Variants in LAMC1 observed in about 807,000 individuals in gnomAD.
LAMC1 encodes laminin subunit gamma-1.
A neutral mutation model predicts 173.6 loss-of-function variants in LAMC1; 38 were observed. That is an observed-to-expected ratio of 0.22 (90% CI 0.17 to 0.29). LAMC1 has a LOEUF of 0.29. Ranked by LOEUF, LAMC1 falls within the 10% of genes least tolerant of loss-of-function variation. LAMC1 has a pLI of 1.00. For missense variants in LAMC1, 1,824 were observed against 2,051.8 expected, an observed-to-expected ratio of 0.89 and a Z score of 2.14; for synonymous variants, 746 against 749.1, an observed-to-expected ratio of 1.00 and a Z score of 0.07.
rs778482490 is a variant in LAMC1, at chr1:183,110,609, C to T, written c.976C>T (p.Arg326Trp). ...AAAGTGTCTTCCTTTCTTCAATGAC[C>T]GGCCGTGGAGGAGGGCAACTGCGGA... is the stretch of plus-strand genomic sequence containing the variant. ...CEKCLPFFND[R>W]PWRRATAESA... Residue 326 changes from arginine to tryptophan, a missense_variant, in exon 4 of 28, where the codon CGG (arginine) becomes TGG (tryptophan). Arg to Trp is a moderately radical substitution (Grantham distance 101, BLOSUM62 -3). Transcript: ENST00000258341. 4.3e-6 allele frequency: 7 copies of T among 1,613,836 alleles called. No homozygotes were observed. The East Asian group carries it at 6.7e-5, about 15-fold the overall frequency.
chr1:183,125,339 T>G (rs1367181936), intron 14 of LAMC1, 58 bp from the exon 15 acceptor site: 40 of 1,573,618 alleles, frequency 2.5e-5, no homozygotes, highest in Non-Finnish European at 3.3e-5. Flanking sequence ...GTTGTTTATA[T>G]TTTAGTATTT....
chr1:183,064,225 C>A (rs1558036694), intron 1 of LAMC1, among the ~76,000 whole-genome samples: 1 of 152,068 alleles, frequency 6.6e-6, no homozygotes, highest in Non-Finnish European at 1.5e-5. Context: ...CAATGGAGTA[C>A]GTTCTGAGAA....
chr1:183,128,329 C>T (rs571503558), intron 17 of LAMC1, among the ~76,000 whole-genome samples: 19 of 152,150 alleles, frequency 1.2e-4, no homozygotes, highest in South Asian at 1.2e-3. Context: ...AAACTAGCCA[C>T]GTCTTCTCTT....
At chr1:183,096,480 T>C (rs1655696475) in intron 1 of LAMC1, 1 of 152,230 alleles carries the variant, frequency 6.6e-6, no homozygotes, top group Non-Finnish European at 1.5e-5. Flanking sequence ...CCATATTCCA[T>C]CTCTGTTCAT....
intron 3 of LAMC1, among the ~76,000 whole-genome samples, chr1:183,110,050 A>G (rs990812037): frequency 6.6e-5 from 10 of 152,194 alleles, no homozygotes; most frequent in East Asian, 5.8e-4. Flanking sequence ...GATCTTCCCA[A>G]TAACCTTATG....
At chr1:183,078,785 C>T (rs929800463) in intron 1 of LAMC1, among the ~76,000 whole-genome samples, 5 of 151,934 alleles carry the variant, frequency 3.3e-5, no homozygotes, top group South Asian at 2.1e-4. Flanking sequence ...CCGAGGCAGG[C>T]GGATCACCTG....
intron 1 of LAMC1, among the ~76,000 whole-genome samples, chr1:183,067,388 A>T (rs1355762830): frequency 6.6e-6 from 1 of 152,162 alleles, no homozygotes; most frequent in Non-Finnish European, 1.5e-5. Flanking sequence ...ACACAACTGC[A>T]AATTGTATTT....
intron 3 of LAMC1, among the ~76,000 whole-genome samples, chr1:183,108,722 T>G (rs1246129228): frequency 6.6e-6 from 1 of 152,198 alleles, no homozygotes; most frequent in Non-Finnish European, 1.5e-5. Context: ...TGAGGAAGGG[T>G]AAGACTCACC....
In LAMC1 at chr1:183,077,783, T is replaced by TATAC. The variant is rs1307384029; in HGVS notation, c.419-25542_419-25541insCATA. Reference sequence around the variant, plus strand: ...TATTTTTATGGCCATTGTGTATATATATATATATATATACAGTAGCACAGT... The same window carrying TATAC: ...TATTTTTATGGCCATTGTGTATATATATACATATATATATATACAGTAGCACAGT... On this transcript the variant is annotated intron_variant, in intron 1 of 27. Coordinates refer to ENST00000258341, the MANE Select transcript of LAMC1 (RefSeq NM_002293.4). 3.4e-5 allele frequency among the ~76,000 whole-genome samples: 5 copies of TATAC among 146,310 alleles called. 1 individual carries two copies. Among genetic ancestry groups the TATAC allele is most frequent in the Non-Finnish European group, 7.6e-5 (5 of 66,078 alleles).
At chr1:183,102,034 C>T (rs1220286409) in intron 1 of LAMC1, among the ~76,000 whole-genome samples, 1 of 152,160 alleles carries the variant, frequency 6.6e-6, no homozygotes, top group African/African-American at 2.4e-5. Context: ...AGCAGGACAG[C>T]GGCAGGCCCC....
chr1:183,095,031 A>AGAC (rs1028891036), intron 1 of LAMC1, among the ~76,000 whole-genome samples: 1 of 152,136 alleles, frequency 6.6e-6, no homozygotes, highest in Non-Finnish European at 1.5e-5. Flanking sequence ...TTTTTACTAG[A>AGAC]GACGGGGTTT....
chr1:183,116,570 T>C lies in LAMC1; in HGVS notation c.1329-7T>C. On this transcript the variant is annotated splice_region_variant and splice_polypyrimidine_tract_variant and intron_variant, in intron 6 of 27. Coordinates refer to ENST00000258341, the MANE Select transcript of LAMC1 (RefSeq NM_002293.4). Reference sequence around the variant, plus strand: ...TCTGATTGTTTTATCCATTTTTCATTGAATAGGCCATGCTCTTGTGATCCC... The same window carrying C: ...TCTGATTGTTTTATCCATTTTTCATCGAATAGGCCATGCTCTTGTGATCCC... The C allele has an allele frequency of 3.2e-6, 5 of 1,567,824 alleles. No homozygotes were observed. The highest frequency in any genetic ancestry group is 4.4e-6 in the Non-Finnish European group (5 of 1,144,728).
chr1:183,115,879 A>T (rs1188563984), intron 6 of LAMC1, among the ~76,000 whole-genome samples: 1 of 152,156 alleles, frequency 6.6e-6, no homozygotes, highest in Non-Finnish European at 1.5e-5. Context: ...TTAGGCTCAC[A>T]CCTGTAATCC....
chr1:183,145,053 CAT>C lies in LAMC1; in HGVS notation c.*2266_*2267del, dbSNP rs1020410764. On this transcript the variant is annotated 3_prime_UTR_variant, in exon 28 of 28. Transcript: ENST00000258341. Reference sequence around the variant, plus strand: ...ATTTCATTAAGTGGCTACATCCTAACATATGCATTTGGTCAAGGTTGCAGAAG... The same window carrying C: ...ATTTCATTAAGTGGCTACATCCTAACATGCATTTGGTCAAGGTTGCAGAAG... 2.6e-5 allele frequency: 4 copies of C among 152,182 alleles called. No individual in the cohort carries two copies. The highest frequency in any genetic ancestry group is 1.3e-4 in the Admixed American group (2 of 15,270). The allele number at this position is 152,182 out of a possible 1,614,324, so 9.4% of individuals were successfully genotyped here. A position where few individuals can be genotyped will look rare whatever the true frequency, so the allele number is the denominator to read the frequency against.
chr1:183,054,061 A>G (rs1383932574), intron 1 of LAMC1, among the ~76,000 whole-genome samples: 5 of 152,200 alleles, frequency 3.3e-5, no homozygotes, highest in Middle Eastern at 3.2e-3. Context: ...AGTACTGCCT[A>G]TTGAGGTGGG....
intron 1 of LAMC1, among the ~76,000 whole-genome samples, chr1:183,043,310 CT>C (rs942643230): frequency 6.6e-6 from 1 of 152,136 alleles, no homozygotes; most frequent in Non-Finnish European, 1.5e-5. Flanking sequence ...CTATCATAGC[CT>C]CACACTAGGT....
intron 11 of LAMC1, among the ~76,000 whole-genome samples, chr1:183,119,020 C>G (rs141162663): frequency 7.2e-5 from 11 of 152,096 alleles, no homozygotes; most frequent in African/African-American, 2.4e-4. Context: ...GCTCAGCCTC[C>G]CAAGTAGCTG....
In LAMC1 at chr1:183,137,660, T is replaced by C. The variant is rs1656984776; in HGVS notation, c.4315-9T>C. 2 of 1,534,374 alleles carry C rather than the reference T, an allele frequency of 1.3e-6. No homozygotes were observed. The highest frequency in any genetic ancestry group is 2.2e-5 in the Admixed American group (1 of 46,196). ...TTTTAAAAAAAGTACAATTTTCTTT[T>C]GTGCCTAGAATGCCACCAGCACCAA... is the stretch of plus-strand genomic sequence containing the variant. On this transcript the variant is annotated splice_polypyrimidine_tract_variant and intron_variant, in intron 25 of 27. Transcript: ENST00000258341.
intron 1 of LAMC1, among the ~76,000 whole-genome samples, chr1:183,083,781 T>C (rs1655351433): frequency 6.6e-6 from 1 of 152,206 alleles, no homozygotes; most frequent in African/African-American, 2.4e-5. Context: ...ACAATTTTAT[T>C]CCAGTTTTTT....
Sources: gnomAD v4.1 joint callset for allele counts (sites outside exome capture counted in the v4.1 genomes callset) on GRCh38, gnomAD v4.1.1 for gene constraint, MANE v1.5 for transcripts, NCBI Gene and HGNC (gene_info 2026-07-23, HGNC 2026-07-21) for gene names.